The following CHST11 variants were observed in gnomAD, a reference collection of about 807,000 sequenced individuals.
The protein encoded by CHST11 is C4S-1.
Under a neutral mutation model 30.4 loss-of-function variants are expected in CHST11, and 9 were observed. That is an observed-to-expected ratio of 0.30 (90% CI 0.18 to 0.52). The LOEUF (loss-of-function observed/expected upper bound fraction) is 0.52, where lower values mean the gene tolerates loss of function less well. Ranked by LOEUF, CHST11 falls within the 20% of genes least tolerant of loss-of-function variation. The pLI is 0.97. For synonymous variants in CHST11, 152 were observed against 187.8 expected (o/e 0.81, Z 1.56); for missense variants, 348 against 460.6 (o/e 0.76, Z 2.24).
chr12:104,728,341 A>G (rs1199065398), intron 2 of CHST11, among the ~76,000 whole-genome samples: 1 of 152,158 alleles, frequency 6.6e-6, no homozygotes, highest in East Asian at 1.9e-4. Context: ...AGGAAACAGA[A>G]ATTTGGATGC....
chr12:104,745,103 ACCTCAAGTGATCTG>A, intron 2 of CHST11, among the ~76,000 whole-genome samples: 1 of 152,204 alleles, frequency 6.6e-6, no homozygotes, highest in South Asian at 2.1e-4. Context: ...CGAACTCCTG[ACCTCAAGTGATCTG>A]CCTGCCTCAG....
At chr12:104,514,943 A>G (rs2038007054) in intron 1 of CHST11, among the ~76,000 whole-genome samples, 1 of 152,202 alleles carries the variant, frequency 6.6e-6, no homozygotes, top group Non-Finnish European at 1.5e-5. Flanking sequence ...GATATGAAGA[A>G]CCAATCTGTT....
intron 2 of CHST11, among the ~76,000 whole-genome samples, chr12:104,695,272 G>T (rs961999183): frequency 6.6e-6 from 1 of 152,154 alleles, no homozygotes; most frequent in African/African-American, 2.4e-5. Flanking sequence ...ATTGTGGGGA[G>T]GGCCTCAGCT....
At position 104,676,286 on chromosome 12, in the gene CHST11, C is replaced by T. The variant is rs1185301462; in HGVS notation, c.204+74295C>T. Among the ~76,000 whole-genome samples, 1 of 152,186 alleles carries T rather than the reference C, an allele frequency of 6.6e-6. No individual in the cohort carries two copies. The highest frequency in any genetic ancestry group is 2.4e-5 in the African/African-American group (1 of 41,452). ...TCAAGGTGTCCGCAGAAATGAGTTC[C>T]TTCCAGAGGTTCCAGTGGAGAATCT... is the stretch of plus-strand genomic sequence containing the variant. On this transcript the variant is annotated intron_variant, in intron 2 of 2. Coordinates refer to ENST00000303694, the MANE Select transcript of CHST11 (RefSeq NM_018413.6). The surrounding 1 kb of genome is among the most constrained non-coding windows in gnomAD (Gnocchi z 4.4).
chr12:104,505,402 A>G (rs963285393), intron 1 of CHST11, among the ~76,000 whole-genome samples: 9 of 152,078 alleles, frequency 5.9e-5, no homozygotes, highest in Admixed American at 5.2e-4. Context: ...CCTATTCTAG[A>G]CGAACGTTTC....
intron 1 of CHST11, among the ~76,000 whole-genome samples, chr12:104,528,155 G>A (rs181213443): frequency 8.5e-5 from 13 of 152,282 alleles, no homozygotes; most frequent in African/African-American, 1.7e-4. Flanking sequence ...GGTTATGTCC[G>A]TGATAACACT....
chr12:104,516,931 T>G (rs982477461), intron 1 of CHST11, among the ~76,000 whole-genome samples: 1 of 152,202 alleles, frequency 6.6e-6, no homozygotes, highest in African/African-American at 2.4e-5. Context: ...AAAATGTTCC[T>G]GTTTGTTCTT....
chr12:104,661,502 A>G (rs2039598618), intron 2 of CHST11, among the ~76,000 whole-genome samples: 1 of 152,110 alleles, frequency 6.6e-6, no homozygotes, highest in South Asian at 2.1e-4. Context: ...TTAGCTTGGG[A>G]GGTTGAGGTG....
intron 1 of CHST11, among the ~76,000 whole-genome samples, chr12:104,558,656 A>G (rs1242439847): frequency 2.0e-5 from 3 of 149,264 alleles, no homozygotes; most frequent in Admixed American, 1.4e-4. Flanking sequence ...CTCCTGCCTT[A>G]GCCTCCCAAG....
In CHST11 at chr12:104,558,538, T is replaced by TC. The variant is rs71441899; in HGVS notation, c.119-43359dup. On this transcript the variant is annotated intron_variant, in intron 1 of 2. Coordinates refer to ENST00000303694, the MANE Select transcript of CHST11 (RefSeq NM_018413.6). ...GTCATTCTCTCTGTTCAGCAGAAAT[T>TC]CCCCCCCCCGCCCCCCCGAGACAGG... Among the ~76,000 whole-genome samples the TC allele has an allele frequency of 9.7e-3, 1,138 of 117,762 alleles. 7 individuals are homozygous for TC. The highest frequency in any genetic ancestry group is 0.021 in the East Asian group (79 of 3,722). The allele number at this position is 117,762 out of a possible 152,430, so 77.3% of individuals were successfully genotyped here. A position where few individuals can be genotyped will look rare whatever the true frequency, so the allele number is the denominator to read the frequency against.
chr12:104,461,136 TGACACGGAC>T (rs747163325), intron 1 of CHST11, among the ~76,000 whole-genome samples: 6 of 152,180 alleles, frequency 3.9e-5, no homozygotes, highest in Non-Finnish European at 8.8e-5. Context: ...TCCTGAACTG[TGACACGGAC>T]CCAGTTTAAA....
intron 1 of CHST11, among the ~76,000 whole-genome samples, chr12:104,585,129 T>C (rs1202956910): frequency 6.6e-6 from 1 of 152,234 alleles, no homozygotes; most frequent in African/African-American, 2.4e-5. Flanking sequence ...GCTCTGTTAC[T>C]GCAGGCATGC....
At chr12:104,649,979 C>T (rs747044175) in intron 2 of CHST11, among the ~76,000 whole-genome samples, 16 of 152,176 alleles carry the variant, frequency 1.1e-4, no homozygotes, top group Non-Finnish European at 1.6e-4. Context: ...CCAAAGGGCA[C>T]TCCATCAATT....
chr12:104,703,725 C>T (rs1185798773), intron 2 of CHST11, among the ~76,000 whole-genome samples: 1 of 152,250 alleles, frequency 6.6e-6, no homozygotes, highest in East Asian at 1.9e-4. Flanking sequence ...TCCAGGCTCA[C>T]TGTGTGGTTC....
intron 2 of CHST11, among the ~76,000 whole-genome samples, chr12:104,639,934 C>T (rs550552580): frequency 4.6e-4 from 70 of 152,144 alleles, no homozygotes; most frequent in Non-Finnish European, 8.7e-4. Flanking sequence ...AAACAGATGT[C>T]GCCAAAGGAG....
chr12:104,549,838 T>G (rs945127342), intron 1 of CHST11, among the ~76,000 whole-genome samples: 3 of 151,970 alleles, frequency 2.0e-5, no homozygotes, highest in Admixed American at 6.6e-5. Flanking sequence ...GCCTGGGAGG[T>G]GGAGGCTGCA....
intron 1 of CHST11, among the ~76,000 whole-genome samples, chr12:104,533,520 CT>C (rs1404826442): frequency 6.6e-6 from 1 of 152,174 alleles, no homozygotes; most frequent in Non-Finnish European, 1.5e-5. Context: ...AAAATGGAGA[CT>C]TTTCAAGGCT....
intron 2 of CHST11, among the ~76,000 whole-genome samples, chr12:104,614,166 AT>A (rs984158186): frequency 3.9e-5 from 6 of 152,238 alleles, no homozygotes; most frequent in African/African-American, 1.4e-4. Flanking sequence ...ATGAATATAT[AT>A]AATTTTTATT....
intron 1 of CHST11, among the ~76,000 whole-genome samples, chr12:104,574,432 C>T (rs998961535): frequency 2.6e-5 from 4 of 152,176 alleles, no homozygotes; most frequent in South Asian, 2.1e-4. Flanking sequence ...TGGCACTATT[C>T]GCAATAGGAA....
Sources: gnomAD v4.1 joint callset for allele counts (sites outside exome capture counted in the v4.1 genomes callset) on GRCh38, gnomAD v4.1.1 for gene constraint, Gnocchi (gnomAD v3.1) non-coding constraint, MANE v1.5 for transcripts, NCBI Gene and HGNC (gene_info 2026-07-23, HGNC 2026-07-21) for gene names.